Variants in GAD2 observed in about 807,000 individuals in gnomAD.
GAD2 encodes glutamate decarboxylase 2.
A neutral mutation model predicts 80.1 loss-of-function variants in GAD2; 22 were observed. That is an observed-to-expected ratio of 0.27 (90% confidence interval 0.20 to 0.39). The LOEUF (loss-of-function observed/expected upper bound fraction) is 0.39. Among genes scored for constraint, GAD2 ranks in the 10% least tolerant of loss-of-function variants. The pLI is 1.00. For synonymous variants in GAD2, 274 were observed against 256.9 expected, an observed-to-expected ratio of 1.07 and a Z score of -0.64; for missense variants, 624 against 738.4, an observed-to-expected ratio of 0.85 and a Z score of 1.80.
intron 3 of GAD2, chr10:26,218,233 CG>C (rs1844406459): frequency 4.9e-6 from 2 of 407,486 alleles, no homozygotes; most frequent in Non-Finnish European, 8.6e-6. Context: ...TCCCCCAGCG[CG>C]GCCCTTGGGA....
intron 8 of GAD2, among the ~76,000 whole-genome samples, chr10:26,254,483 T>G (rs1158408131): frequency 6.6e-6 from 1 of 152,134 alleles, no homozygotes; most frequent in African/African-American, 2.4e-5. Flanking sequence ...CAGGTCACCA[T>G]TAGTACTGGT....
intron 7 of GAD2, among the ~76,000 whole-genome samples, chr10:26,240,998 T>A (rs185159228): frequency 1.6e-4 from 22 of 137,654 alleles, no homozygotes; most frequent in East Asian, 6.6e-4. Context: ...GCTGAGATCG[T>A]GCCACTGCAC....
chr10:26,224,931 G>C, intron 6 of GAD2, among the ~76,000 whole-genome samples: 1 of 152,268 alleles, frequency 6.6e-6, no homozygotes, highest in South Asian at 2.1e-4. Context: ...CAGGATGTAC[G>C]GATAATGTGG....
intron 7 of GAD2, among the ~76,000 whole-genome samples, chr10:26,241,554 T>C (rs568307878): frequency 3.9e-4 from 60 of 152,022 alleles, no homozygotes; most frequent in Admixed American, 9.2e-4. Context: ...TCATTTCTTT[T>C]TTTTTTTTTT....
At position 26,269,153 on chromosome 10, in the gene GAD2, A is replaced by G; in HGVS notation, c.955A>G (p.Ile319Val). ...GATTCCATCTGATCTTGAAAGAAGGATTCTTGAAGCCAAACAGAAAGTAAG... is the reference window on the plus strand; with the variant it reads ...GATTCCATCTGATCTTGAAAGAAGGGTTCTTGAAGCCAAACAGAAAGTAAG... ...KMIPSDLERR[I>V]LEAKQKGFVP... is the part of the protein sequence containing the mutation. Residue 319 changes from isoleucine (I) to valine (V), a missense_variant, in exon 9 of 16, where the codon ATT becomes GTT. Coordinates refer to ENST00000376261, the MANE Select transcript of GAD2 (RefSeq NM_001134366.2). 1 of 1,600,652 alleles carries G rather than the reference A, an allele frequency of 6.2e-7. No homozygotes were observed. Among genetic ancestry groups the G allele is most frequent in the Non-Finnish European group, 8.5e-7 (1 of 1,172,898 alleles).
chr10:26,269,654 C>G (rs765488498), intron 9 of GAD2, among the ~76,000 whole-genome samples: 20 of 152,104 alleles, frequency 1.3e-4, no homozygotes, highest in Non-Finnish European at 2.5e-4. Context: ...GAATGCCTGC[C>G]CAAGATTCCC....
chr10:26,278,125 G>A (rs1398233964), intron 11 of GAD2, among the ~76,000 whole-genome samples: 8 of 152,164 alleles, frequency 5.3e-5, no homozygotes, highest in African/African-American at 7.2e-5. Context: ...GTAGTTGGGG[G>A]CCTTGGCAGC....
intron 7 of GAD2, among the ~76,000 whole-genome samples, chr10:26,236,471 C>A (rs142284598): frequency 6.6e-6 from 1 of 151,716 alleles, no homozygotes; most frequent in African/African-American, 2.4e-5. Flanking sequence ...CGGCTAAGTT[C>A]TGTATTTTTA....
rs538939997 is a variant in GAD2 at position 26,251,134 on chromosome 10, G to A, written c.920+5134G>A. Among the ~76,000 whole-genome samples, 22 of 146,672 alleles carry A rather than the reference G, an allele frequency of 1.5e-4. No individual in the cohort carries two copies. The South Asian group carries it at 3.4e-3, about 23-fold the overall frequency. On this transcript the variant is annotated intron_variant, in intron 8 of 15. Transcript: ENST00000376261. ...AGGATGGTCTTGATCTCCTGATCTCGTGATCCACCCACCTCGGCCTCCCAA... is the reference window on the plus strand; with the variant it reads ...AGGATGGTCTTGATCTCCTGATCTCATGATCCACCCACCTCGGCCTCCCAA...
At chr10:26,280,905 A>G in intron 11 of GAD2, 104 bp from the exon 12 acceptor site, 2 of 715,888 alleles carry the variant, frequency 2.8e-6, no homozygotes, top group Non-Finnish European at 5.0e-6. Flanking sequence ...TTTAGTGTCA[A>G]TCTGGAGTCT....
At chr10:26,231,710 G>A (rs1238320626) in intron 7 of GAD2, among the ~76,000 whole-genome samples, 1 of 152,158 alleles carries the variant, frequency 6.6e-6, no homozygotes, top group East Asian at 1.9e-4. Context: ...AATCTAAAAT[G>A]GGAAAAGCAG....
chr10:26,249,304 C>T (rs966069685), intron 8 of GAD2, among the ~76,000 whole-genome samples: 2 of 152,182 alleles, frequency 1.3e-5, no homozygotes, highest in Non-Finnish European at 2.9e-5. Context: ...TGAGATGATC[C>T]GTCCGCCTCG....
intron 3 of GAD2, among the ~76,000 whole-genome samples, chr10:26,218,535 G>GCTCTCTCTCTCT (rs143813747): frequency 7.8e-5 from 10 of 127,978 alleles, no homozygotes; most frequent in African/African-American, 3.2e-4. Flanking sequence ...ACATGCATAC[G>GCTCTCTCTCTCT]CTCTCTCTCT....
intron 3 of GAD2, among the ~76,000 whole-genome samples, chr10:26,218,551 T>TCTCTCTCACACA (rs748110324): frequency 6.2e-4 from 74 of 118,854 alleles, no homozygotes; most frequent in African/African-American, 1.9e-3. Context: ...TCTCTCTCTC[T>TCTCTCTCACACA]CACACACACA....
chr10:26,245,886 G>A (rs1410562992), intron 7 of GAD2, 35 bp from the exon 8 acceptor site: 1 of 1,503,110 alleles, frequency 6.7e-7, no homozygotes, highest in Non-Finnish European at 9.2e-7. Flanking sequence ...GTCTGTATAT[G>A]GAACTAATTG....
intron 4 of GAD2, among the ~76,000 whole-genome samples, chr10:26,219,519 T>C (rs928218774): frequency 5.3e-5 from 8 of 152,180 alleles, no homozygotes; most frequent in Non-Finnish European, 7.4e-5. Flanking sequence ...CATCAGATTT[T>C]ACGTTGCATG....
At chr10:26,226,126 G>A (rs1336549195) in intron 6 of GAD2, among the ~76,000 whole-genome samples, 3 of 151,594 alleles carry the variant, frequency 2.0e-5, no homozygotes, top group East Asian at 1.9e-4. Context: ...ATTTATTCCC[G>A]TGCATAAGTT....
chr10:26,289,199 C>T (rs1173101395), intron 13 of GAD2, among the ~76,000 whole-genome samples: 1 of 152,002 alleles, frequency 6.6e-6, no homozygotes, highest in East Asian at 1.9e-4. Context: ...GCCACACTGG[C>T]CAAGGAAGAA....
At chr10:26,282,041 C>A (rs1025117805) in intron 12 of GAD2, among the ~76,000 whole-genome samples, 1 of 152,216 alleles carries the variant, frequency 6.6e-6, no homozygotes, top group Non-Finnish European at 1.5e-5. Flanking sequence ...CTCCTGAGTT[C>A]AAGCGATTCT....
Sources: allele counts gnomAD v4.1 joint callset (sites outside exome capture counted in the v4.1 genomes callset), GRCh38; gene constraint gnomAD v4.1.1; transcripts MANE v1.5; gene names NCBI Gene and HGNC (gene_info 2026-07-23, HGNC 2026-07-21).